PCSK5: variants seen among roughly 807,000 people sequenced by gnomAD.
PCSK5 encodes prohormone convertase 5.
A neutral mutation model predicts 233.2 loss-of-function variants in PCSK5; 129 were observed. That is an observed-to-expected ratio of 0.55 (90% CI 0.48 to 0.64). The LOEUF (loss-of-function observed/expected upper bound fraction) is 0.64. Among genes scored for constraint, PCSK5 ranks in the 30% least tolerant of loss-of-function variants. The pLI, the probability that PCSK5 is intolerant of heterozygous loss-of-function variation, is 0.00. For missense variants in PCSK5, 2,076 were observed against 2,430.1 expected, an observed-to-expected ratio of 0.85 and a Z score of 3.06; for synonymous variants, 825 against 879.2, an observed-to-expected ratio of 0.94 and a Z score of 1.09.
chr9:76,244,648 A>AC (rs35238797), intron 24 of PCSK5, among the ~76,000 whole-genome samples: 62,085 of 150,310 alleles, frequency 0.41, 13,159 homozygotes, highest in South Asian at 0.49. Context: ...AACAAAAAAA[A>AC]CCCTCAAATT....
intron 24 of PCSK5, among the ~76,000 whole-genome samples, chr9:76,277,203 C>T (rs891065592): frequency 1.2e-4 from 18 of 152,114 alleles, no homozygotes; most frequent in African/African-American, 3.6e-4. Context: ...CCAGCCTGGG[C>T]GACAGAGTGA....
At chr9:76,093,870 T>C (rs908481224) in intron 7 of PCSK5, among the ~76,000 whole-genome samples, 2 of 152,192 alleles carry the variant, frequency 1.3e-5, no homozygotes, top group Non-Finnish European at 2.9e-5. Flanking sequence ...CACTGTAGTT[T>C]CTCAGTCTGA....
chr9:76,126,788 G>C (rs1178551973), intron 9 of PCSK5, among the ~76,000 whole-genome samples: 1 of 152,146 alleles, frequency 6.6e-6, no homozygotes, highest in Non-Finnish European at 1.5e-5. Context: ...ATGAGAAGTG[G>C]GAGGTGGTGA....
chr9:75,951,450 T>C (rs1751049701), intron 2 of PCSK5, among the ~76,000 whole-genome samples: 1 of 152,202 alleles, frequency 6.6e-6, no homozygotes, highest in South Asian at 2.1e-4. Flanking sequence ...AATTCAAGTG[T>C]GTAGTTGAGC....
intron 22 of PCSK5, 133 bp downstream of exon 22, chr9:76,233,729 G>A (rs546551439): frequency 2.4e-5 from 19 of 787,294 alleles, no homozygotes; most frequent in Non-Finnish European, 3.1e-5. Flanking sequence ...ACTGGAGAGC[G>A]TGTACAACCT....
chr9:76,321,529 A>G lies in PCSK5; in HGVS notation c.3992A>G (p.His1331Arg), dbSNP rs1564178557. ...CHSCEGGHVL[H>R]HGVCQENCPE... ...TCTTGTGAAGGAGGCCACGTCCTGC[A>G]CCACGGAGTGTGCCAGGAAAACTGC... The change falls in exon 31 of 38, where the codon CAC becomes CGC. Residue 1331 changes from histidine to arginine, a missense_variant. His to Arg is a conservative substitution (Grantham distance 29, BLOSUM62 0). This residue lies in a region of PCSK5 where 1,510 missense variants were observed against 1,538.1 expected (regional missense o/e 0.98). Coordinates refer to ENST00000674117, the MANE Select transcript of PCSK5 (RefSeq NM_001372043.1). 3.1e-6 allele frequency: 5 copies of G among 1,612,342 alleles called. No individual in the cohort carries two copies. Among genetic ancestry groups the G allele is most frequent in the Admixed American group, 1.7e-5 (1 of 60,026 alleles).
intron 24 of PCSK5, among the ~76,000 whole-genome samples, chr9:76,249,053 G>A (rs918989352): frequency 3.9e-5 from 6 of 152,250 alleles, no homozygotes; most frequent in African/African-American, 1.4e-4. Context: ...GTGAGCCACC[G>A]TACCCAACCC....
chr9:76,003,132 G>A (rs1426912347), intron 3 of PCSK5, among the ~76,000 whole-genome samples: 1 of 152,196 alleles, frequency 6.6e-6, no homozygotes, highest in Non-Finnish European at 1.5e-5. Flanking sequence ...AGGACTACGA[G>A]GCTATGGAAA....
chr9:75,976,936 AATTC>A (rs1309290894), intron 2 of PCSK5, among the ~76,000 whole-genome samples: 1 of 152,022 alleles, frequency 6.6e-6, no homozygotes, highest in Non-Finnish European at 1.5e-5. Context: ...AGTACTTTTA[AATTC>A]ATACTTCTTT....
chr9:76,256,159 C>G (rs2131351847), intron 24 of PCSK5, among the ~76,000 whole-genome samples: 1 of 152,208 alleles, frequency 6.6e-6, no homozygotes, highest in East Asian at 1.9e-4. Context: ...AACATTCAAG[C>G]TCACATTCTT....
rs933923663 is a variant in PCSK5 at position 76,008,353 on chromosome 9, T to A, written c.412-15385T>A. ...TCTTTATGTTGTTTTATAGGATGCA[T>A]GGGGAGATTAAGATTTAGATGGCTT... On this transcript the variant is annotated intron_variant, in intron 3 of 37. Coordinates refer to ENST00000674117, the MANE Select transcript of PCSK5 (RefSeq NM_001372043.1). 4.6e-5 allele frequency among the ~76,000 whole-genome samples: 7 copies of A among 152,148 alleles called. 1 individual carries two copies. The highest frequency in any genetic ancestry group is 1.0e-4 in the Non-Finnish European group (7 of 68,018).
intron 1 of PCSK5, among the ~76,000 whole-genome samples, chr9:75,913,290 G>C (rs1046857985): frequency 6.6e-6 from 1 of 152,130 alleles, no homozygotes; most frequent in Admixed American, 6.5e-5. Flanking sequence ...TGAATCATTA[G>C]CTTATTTTCA....
chr9:76,030,572 T>TA (rs957740306), intron 5 of PCSK5, among the ~76,000 whole-genome samples: 64 of 149,504 alleles, frequency 4.3e-4, no homozygotes, highest in African/African-American at 1.4e-3. Flanking sequence ...TAACACATAC[T>TA]AATAACAAAT....
chr9:76,184,726 CATAACT>C lies in PCSK5; in HGVS notation c.2252_2257del (p.His751_Cys753delinsArg). On this transcript the variant is annotated inframe_deletion, in exon 17 of 38. Coordinates refer to ENST00000674117, the MANE Select transcript of PCSK5 (RefSeq NM_001372043.1). ...AAACTGCAAGACATGTACTGAATTC[CATAACT>C]GTACAGAATGTAGGGATGGGTTAAG... 6.2e-7 allele frequency: 1 copy of C among 1,608,656 alleles called. No homozygotes were observed. Among genetic ancestry groups the C allele is most frequent in the Non-Finnish European group, 8.5e-7 (1 of 1,175,628 alleles).
At chr9:76,071,091 A>G (rs953856867) in intron 6 of PCSK5, among the ~76,000 whole-genome samples, 4 of 152,320 alleles carry the variant, frequency 2.6e-5, no homozygotes, top group Admixed American at 6.5e-5. Context: ...GTAAATTCCT[A>G]TCTGTTTGAT....
At chr9:76,331,680 AAG>A (rs1378286816) in intron 33 of PCSK5, among the ~76,000 whole-genome samples, 1 of 151,734 alleles carries the variant, frequency 6.6e-6, no homozygotes, top group Non-Finnish European at 1.5e-5. Context: ...AAAAAAAAAA[AAG>A]AGAGATGCCA....
In PCSK5 at chr9:76,221,234, G is replaced by A. The variant is rs1026523841; in HGVS notation, c.2627-6269G>A. ...TAAATCTGCTTTGTGAAACATGCCT[G>A]CTCAAAGTTTGTTTGTTTCACAGTA... On this transcript the variant is annotated intron_variant, in intron 20 of 37. Transcript: ENST00000674117. 3.3e-5 allele frequency among the ~76,000 whole-genome samples: 5 copies of A among 152,288 alleles called. No homozygotes were observed. The South Asian group carries it at 6.2e-4, about 19-fold the overall frequency.
intron 20 of PCSK5, among the ~76,000 whole-genome samples, chr9:76,201,939 TTC>T (rs1824931417): frequency 6.6e-6 from 1 of 152,200 alleles, no homozygotes; most frequent in Admixed American, 6.5e-5. Context: ...TTAATACAAA[TTC>T]TGTGAGCTCC....
At chr9:76,288,920 G>A (rs1453821108) in intron 24 of PCSK5, among the ~76,000 whole-genome samples, 1 of 152,154 alleles carries the variant, frequency 6.6e-6, no homozygotes, top group African/African-American at 2.4e-5. Flanking sequence ...AAATTCAATG[G>A]TGAAGGTGAT....
Sources: allele counts gnomAD v4.1 joint callset (sites outside exome capture counted in the v4.1 genomes callset), GRCh38; gene constraint gnomAD v4.1.1; regional missense constraint gnomAD v4.1.1; transcripts MANE v1.5; gene names NCBI Gene and HGNC (gene_info 2026-07-23, HGNC 2026-07-21).